Variants in KLRK1 observed in about 807,000 individuals in gnomAD.
KLRK1 encodes killer cell lectin like receptor K1.
In KLRK1, 40 loss-of-function variants were observed where a neutral mutation model predicts 31.3. The observed-to-expected ratio is 1.28, with a 90% confidence interval of 0.99 to 1.67. KLRK1 has a LOEUF of 1.67. KLRK1 is among the 40% of genes most tolerant of loss of function. The pLI is 0.00. For missense variants in KLRK1, 251 were observed against 260.0 expected (o/e 0.97, Z 0.24); for synonymous variants, 77 against 77.3 (o/e 1.00, Z 0.02).
intron 3 of KLRK1, among the ~76,000 whole-genome samples, chr12:10,385,271 C>T (rs181680403): frequency 6.6e-6 from 1 of 151,630 alleles, no homozygotes; most frequent in African/African-American, 2.4e-5. Context: ...ATTGAAGTAA[C>T]GTCTGCACCC....
intron 7 of KLRK1, among the ~76,000 whole-genome samples, chr12:10,376,810 C>T (rs199944663): frequency 3.3e-4 from 50 of 149,834 alleles, no homozygotes; most frequent in Non-Finnish European, 6.1e-4. Flanking sequence ...CTGAAATTTA[C>T]TTATTTATTT....
chr12:10,373,055 G>A lies in KLRK1; in HGVS notation c.*59C>T. The A allele has an allele frequency of 1.4e-6, 2 of 1,465,302 alleles. No homozygotes were observed. The highest frequency in any genetic ancestry group is 1.9e-6 in the Non-Finnish European group (2 of 1,057,298). The allele number at this position is 1,465,302 out of a possible 1,614,324, so 90.8% of individuals were successfully genotyped here. ...GTTTCCTTTAGTCTCAGTTGGCAGT[G>A]TTACCGCTGGTGTAATCTCTTCTCT... On this transcript the variant is annotated 3_prime_UTR_variant, in exon 8 of 8. Coordinates refer to ENST00000240618, the MANE Select transcript of KLRK1 (RefSeq NM_007360.4).
chr12:10,386,992 T>C lies in KLRK1; in HGVS notation c.59A>G (p.Asn20Ser). ...ACTCTTCTTCAGATCCAAGTTATAA[T>C]TATGAAATTCACTCATCTCTAGAGA... ...RHSWEMSEFH[N>S]YNLDLKKSDF... Residue 20 changes from asparagine (N) to serine (S), a missense_variant, in exon 3 of 8, where the codon AAT becomes AGT. Coordinates refer to ENST00000240618, the MANE Select transcript of KLRK1 (RefSeq NM_007360.4). The C allele has an allele frequency of 6.2e-7, 1 of 1,610,822 alleles. No homozygotes were observed. The highest frequency in any genetic ancestry group is 8.5e-7 in the Non-Finnish European group (1 of 1,178,430).
intron 7 of KLRK1, among the ~76,000 whole-genome samples, chr12:10,377,471 G>A (rs933650370): frequency 2.0e-5 from 3 of 152,206 alleles, no homozygotes; most frequent in African/African-American, 4.8e-5. Context: ...CTTTACTCAT[G>A]CAATGAGATG....
chr12:10,373,262 A>T (rs755919433), intron 7 of KLRK1, 31 bp from the exon 8 acceptor site: 1 of 1,525,846 alleles, frequency 6.6e-7, no homozygotes, highest in Non-Finnish European at 8.8e-7. Flanking sequence ...AATTACATAC[A>T]TGATTTTATT....
chr12:10,373,809 T>C (rs1180705707), intron 7 of KLRK1, among the ~76,000 whole-genome samples: 2 of 152,232 alleles, frequency 1.3e-5, no homozygotes, highest in African/African-American at 4.8e-5. Flanking sequence ...TGATTAATAA[T>C]GATACTTTGT....
Position 10,373,051 on chromosome 12 carries a change from C to T in KLRK1, c.*63G>A. The T allele has an allele frequency of 2.8e-6, 4 of 1,418,738 alleles. No homozygotes were observed. The highest frequency in any genetic ancestry group is 3.9e-6 in the Non-Finnish European group (4 of 1,019,798). The allele number at this position is 1,418,738 out of a possible 1,614,324, so 87.9% of individuals were successfully genotyped here. A position where few individuals can be genotyped will look rare whatever the true frequency, so the allele number is the denominator to read the frequency against. ...GTTTGTTTCCTTTAGTCTCAGTTGG[C>T]AGTGTTACCGCTGGTGTAATCTCTT... On this transcript the variant is annotated 3_prime_UTR_variant, in exon 8 of 8. Transcript: ENST00000240618.
intron 1 of KLRK1, 177 bp from the exon 2 acceptor site, chr12:10,389,052 T>C: frequency 2.1e-6 from 1 of 475,944 alleles, no homozygotes; most frequent in Non-Finnish European, 3.7e-6. Context: ...TTTCTCTTGG[T>C]TGTAAAATAA....
chr12:10,384,718 C>T (rs900773025), intron 3 of KLRK1, among the ~76,000 whole-genome samples: 3 of 151,986 alleles, frequency 2.0e-5, no homozygotes, highest in Non-Finnish European at 4.4e-5. Context: ...TTCAAAAGTA[C>T]AGGCAACAAA....
intron 7 of KLRK1, 26 bp downstream of exon 7, chr12:10,378,104 GAA>G: frequency 1.9e-6 from 3 of 1,591,038 alleles, no homozygotes; most frequent in South Asian, 2.3e-5. Flanking sequence ...AAATTAAAAA[GAA>G]GAGACTCATT....
chr12:10,379,679 T>C (rs1863033465), intron 4 of KLRK1, 21 bp downstream of exon 4: 3 of 1,578,484 alleles, frequency 1.9e-6, no homozygotes, highest in Non-Finnish European at 2.6e-6. Context: ...TGTTGCAATC[T>C]ACTTCTCTGT....
At chr12:10,373,357 C>A in intron 7 of KLRK1, 126 bp from the exon 8 acceptor site, 8 of 678,720 alleles carry the variant, frequency 1.2e-5, no homozygotes, top group South Asian at 2.7e-5. Flanking sequence ...TGGACCATGC[C>A]TGGTCCTAAT....
At position 10,372,985 on chromosome 12, in the gene KLRK1, C is replaced by T; in HGVS notation, c.*129G>A. 1.3e-6 allele frequency: 1 copy of T among 769,206 alleles called. No homozygotes were observed. The highest frequency in any genetic ancestry group is 1.6e-5 in the South Asian group (1 of 61,298). The allele number at this position is 769,206 out of a possible 1,614,324, so 47.6% of individuals were successfully genotyped here. On this transcript the variant is annotated 3_prime_UTR_variant, in exon 8 of 8. Transcript: ENST00000240618. ...GTTCTATGGTTTGGTCCTGTGGAGT[C>T]TAAGAAATCTGACAGTCTTTGGTCA...
intron 3 of KLRK1, among the ~76,000 whole-genome samples, chr12:10,386,037 C>A (rs1011960145): frequency 1.3e-5 from 2 of 149,740 alleles, no homozygotes; most frequent in African/African-American, 2.5e-5. Flanking sequence ...GTCCTCATGG[C>A]GTATAAGGAT....
At position 10,373,223 on chromosome 12, in the gene KLRK1, A is replaced by ATTGT; in HGVS notation, c.538_541dup (p.Ile181AsnfsTer4). The stretch of plus-strand genomic sequence containing the variant: ...ACAGTCTCCCTTCTGCATTTCAATT[A>ATTGT]TTGTTAGTCTAGAGGAGAGACAATT... On this transcript the variant is annotated frameshift_variant, in exon 8 of 8. Coordinates refer to ENST00000240618, the MANE Select transcript of KLRK1 (RefSeq NM_007360.4). LOFTEE classifies it high-confidence loss of function. The ATTGT allele has an allele frequency of 6.3e-7, 1 of 1,594,390 alleles. No individual in the cohort carries two copies. The highest frequency in any genetic ancestry group is 8.5e-7 in the Non-Finnish European group (1 of 1,174,748).
intron 2 of KLRK1, among the ~76,000 whole-genome samples, chr12:10,388,361 A>T (rs1271141581): frequency 6.6e-6 from 1 of 152,210 alleles, no homozygotes; most frequent in Non-Finnish European, 1.5e-5. Context: ...GTTGATTTGA[A>T]TATTACACAA....
In KLRK1 at chr12:10,379,813, A is replaced by T. The variant is rs572990230; in HGVS notation, c.149-21T>A. The T allele has an allele frequency of 8.1e-6, 13 of 1,604,360 alleles. No homozygotes were observed. The African/African-American group carries it at 1.5e-4, about 18-fold the overall frequency. ...AGATGCTGTCAAAGAAAAAAGACAC[A>T]GATCAGAGAAAGAAGCATAAAAGGT... On this transcript the variant is annotated intron_variant, in intron 3 of 7. Coordinates refer to ENST00000240618, the MANE Select transcript of KLRK1 (RefSeq NM_007360.4).
rs1863030100 is a variant in KLRK1 at position 10,379,459 on chromosome 12, T to A, written c.265A>T (p.Ile89Phe). The A allele has an allele frequency of 6.8e-7, 1 of 1,472,798 alleles. No individual in the cohort carries two copies. Among genetic ancestry groups the A allele is most frequent in the South Asian group, 1.3e-5 (1 of 79,074 alleles). 91.2% of individuals were successfully genotyped at this position (1,472,798 alleles called of 1,614,324 possible). A position where few individuals can be genotyped will look rare whatever the true frequency, so the allele number is the denominator to read the frequency against. The part of the protein sequence containing the change: ...LNSLFNQEVQ[I>F]PLTESYCGPC... ...AAAATTCACTTACCGGTCAAGGGAA[T>A]TTGAACTTCTTGGTTGAATAATGCT... The change falls in exon 5 of 8, where the codon ATT becomes TTT. Residue 89 changes from isoleucine to phenylalanine, a missense_variant. Transcript: ENST00000240618.
At chr12:10,376,224 G>C (rs1862962510) in intron 7 of KLRK1, among the ~76,000 whole-genome samples, 1 of 151,998 alleles carries the variant, frequency 6.6e-6, no homozygotes, top group Non-Finnish European at 1.5e-5. Context: ...AGAATACATA[G>C]AAAACAGCAG....
Sources: allele counts gnomAD v4.1 joint callset (sites outside exome capture counted in the v4.1 genomes callset), GRCh38; gene constraint gnomAD v4.1.1; transcripts MANE v1.5; gene names NCBI Gene and HGNC (gene_info 2026-07-23, HGNC 2026-07-21).